CLOCK: variants seen among roughly 807,000 people sequenced by gnomAD.
CLOCK encodes circadian locomoter output cycles protein kaput.
Under a neutral mutation model 118.4 loss-of-function variants are expected in CLOCK, and 43 were observed. That is an observed-to-expected ratio of 0.36 (90% CI 0.28 to 0.47). The LOEUF (loss-of-function observed/expected upper bound fraction) is 0.47, where lower values mean the gene tolerates loss of function less well. Ranked by LOEUF, CLOCK falls within the 20% of genes least tolerant of loss-of-function variation. CLOCK has a pLI of 1.00. For synonymous variants in CLOCK, 326 were observed against 339.2 expected (o/e 0.96, Z 0.43); for missense variants, 846 against 999.9 (o/e 0.85, Z 2.08).
At chr4:55,536,727 C>T (rs1730929403) in intron 1 of CLOCK, among the ~76,000 whole-genome samples, 1 of 152,160 alleles carries the variant, frequency 6.6e-6, no homozygotes, top group African/African-American at 2.4e-5. Flanking sequence ...CAGACTAATA[C>T]AGCTCCCTAG....
rs1281457837 is a variant in CLOCK, at chr4:55,429,759, A to C, written c.*5656T>G. 1 of 152,234 alleles carries C rather than the reference A, an allele frequency of 6.6e-6. No individual in the cohort carries two copies. The highest frequency in any genetic ancestry group is 1.5e-5 in the Non-Finnish European group (1 of 68,044). The allele number at this position is 152,234 out of a possible 1,614,324, so 9.4% of individuals were successfully genotyped here. A position where few individuals can be genotyped will look rare whatever the true frequency, so the allele number is the denominator to read the frequency against. ...ACAAAAAGTGCCCATAAAACAAAGA[A>C]GGCAGCAAGTGAAACTAGAAAAAGG... is the stretch of plus-strand genomic sequence containing the variant. On this transcript the variant is annotated 3_prime_UTR_variant, in exon 23 of 23. Transcript: ENST00000513440.
intron 1 of CLOCK, among the ~76,000 whole-genome samples, chr4:55,531,173 G>A (rs911245720): frequency 2.0e-5 from 3 of 151,670 alleles, no homozygotes; most frequent in African/African-American, 4.8e-5. Flanking sequence ...AGTACAAGAA[G>A]AAATAAGTAA....
chr4:55,452,570 A>G (rs762128381), intron 15 of CLOCK: 9 of 157,022 alleles, frequency 5.7e-5, no homozygotes, highest in Non-Finnish European at 9.8e-5. Context: ...ATTTTGGAGT[A>G]AGTTGTTACA....
chr4:55,430,705 TC>T lies in CLOCK; in HGVS notation c.*4709del, dbSNP rs1339997461. The T allele has an allele frequency of 6.6e-6, 1 of 152,140 alleles. No homozygotes were observed. Among genetic ancestry groups the T allele is most frequent in the East Asian group, 1.9e-4 (1 of 5,198 alleles). The allele number at this position is 152,140 out of a possible 1,614,324, so 9.4% of individuals were successfully genotyped here. On this transcript the variant is annotated 3_prime_UTR_variant, in exon 23 of 23. Coordinates refer to ENST00000513440, the MANE Select transcript of CLOCK (RefSeq NM_004898.4). Reference sequence around the variant, plus strand: ...GCACATTTAAAACACTCAGAATAATTCTTGAAATTATTATATTCTAAAATGT... The same window carrying T: ...GCACATTTAAAACACTCAGAATAATTTTGAAATTATTATATTCTAAAATGT...
rs201598051 is a variant in CLOCK, at chr4:55,453,172, C to T, written c.1131-43G>A. The stretch of plus-strand genomic sequence containing the variant: ...AATCAAATTTTAGTGTCTGGTCATT[C>T]GTTTAAAATACTGCACAGCTGTAAC... On this transcript the variant is annotated intron_variant, in intron 14 of 22. Transcript: ENST00000513440. 14 of 1,461,518 alleles carry T rather than the reference C, an allele frequency of 9.6e-6. No homozygotes were observed. The African/African-American group carries it at 9.7e-5, about 10-fold the overall frequency. The allele number at this position is 1,461,518 out of a possible 1,614,324, so 90.5% of individuals were successfully genotyped here.
At position 55,449,384 on chromosome 4, in the gene CLOCK, TA is replaced by T. The variant is rs1435992349; in HGVS notation, c.1449+11del. 6.2e-7 allele frequency: 1 copy of T among 1,604,404 alleles called. No individual in the cohort carries two copies. ...AATCTTTATTCAGAAGAATATCCAC[TA>T]AAGAGCTTACCTGACTACTAAATGA... On this transcript the variant is annotated intron_variant, in intron 17 of 22. Coordinates refer to ENST00000513440, the MANE Select transcript of CLOCK (RefSeq NM_004898.4).
At chr4:55,498,448 T>C (rs1475786044) in intron 2 of CLOCK, among the ~76,000 whole-genome samples, 2 of 152,282 alleles carry the variant, frequency 1.3e-5, no homozygotes, top group Admixed American at 1.3e-4. Flanking sequence ...ACTAAAATAA[T>C]CATTATATCT....
At chr4:55,519,468 T>C (rs1461397543) in intron 1 of CLOCK, among the ~76,000 whole-genome samples, 1 of 152,032 alleles carries the variant, frequency 6.6e-6, no homozygotes, top group African/African-American at 2.4e-5. Context: ...GGATAATGAG[T>C]CATAGTAGAG....
intron 1 of CLOCK, chr4:55,540,379 A>AGGAGGGGAGAGGAGG (rs1731182525): frequency 1.2e-5 from 1 of 84,684 alleles, no homozygotes; most frequent in Non-Finnish European, 2.2e-5. Context: ...GGGGCAAGAG[A>AGGAGGGGAGAGGAGG]GGAGGGGAGA....
intron 1 of CLOCK, among the ~76,000 whole-genome samples, chr4:55,525,377 A>T (rs999071281): frequency 6.6e-6 from 1 of 152,206 alleles, no homozygotes; most frequent in Admixed American, 6.5e-5. Flanking sequence ...CAGAAGTCTG[A>T]GGCAAGAAGA....
chr4:55,448,599 CGCGTGTGT>C (rs1423636307), intron 18 of CLOCK, among the ~76,000 whole-genome samples, 172 bp downstream of exon 18: 7,578 of 105,546 alleles, frequency 0.072, 250 homozygotes, highest in Admixed American at 0.12. Context: ...CGCGCACGCG[CGCGTGTGT>C]GTGTGTGTGT....
At chr4:55,466,149 G>A (rs1725724958) in intron 8 of CLOCK, among the ~76,000 whole-genome samples, 1 of 152,184 alleles carries the variant, frequency 6.6e-6, no homozygotes, top group Non-Finnish European at 1.5e-5. Flanking sequence ...TGAGTGGGAG[G>A]TGATTGAATC....
intron 2 of CLOCK, among the ~76,000 whole-genome samples, chr4:55,505,846 T>C (rs895670421): frequency 7.6e-5 from 10 of 131,460 alleles, no homozygotes; most frequent in African/African-American, 2.1e-4. Context: ...AACAATCCTG[T>C]TGACCAACTG....
At chr4:55,467,719 T>A (rs1417531532) in intron 8 of CLOCK, among the ~76,000 whole-genome samples, 1 of 152,220 alleles carries the variant, frequency 6.6e-6, no homozygotes, top group Non-Finnish European at 1.5e-5. Flanking sequence ...CAAATTTTTT[T>A]AAGTTGTCCA....
chr4:55,532,654 G>A (rs1258876059), intron 1 of CLOCK, among the ~76,000 whole-genome samples: 1 of 152,082 alleles, frequency 6.6e-6, no homozygotes, highest in African/African-American at 2.4e-5. Flanking sequence ...ACTGCTTGAA[G>A]CCAGGAATTT....
At chr4:55,464,197 A>T (rs996285150) in intron 8 of CLOCK, among the ~76,000 whole-genome samples, 3 of 152,216 alleles carry the variant, frequency 2.0e-5, no homozygotes, top group Admixed American at 6.5e-5. Flanking sequence ...CTAAATAAAG[A>T]GGAGATTTTG....
chr4:55,454,730 T>C (rs1724787563), intron 13 of CLOCK, among the ~76,000 whole-genome samples: 1 of 152,034 alleles, frequency 6.6e-6, no homozygotes, highest in Non-Finnish European at 1.5e-5. Context: ...CATGTGCAGA[T>C]TCTCTGAGGG....
At chr4:55,505,651 A>C (rs943583471) in intron 2 of CLOCK, among the ~76,000 whole-genome samples, 35 of 152,108 alleles carry the variant, frequency 2.3e-4, no homozygotes, top group African/African-American at 7.9e-4. Context: ...GTGACAGAAC[A>C]AGACCTTGTC....
intron 2 of CLOCK, among the ~76,000 whole-genome samples, chr4:55,494,857 C>A (rs1364230690): frequency 6.6e-6 from 1 of 152,166 alleles, no homozygotes; most frequent in Non-Finnish European, 1.5e-5. Flanking sequence ...GAGAGAAATG[C>A]AGCCCGCTGA....
Sources: gnomAD v4.1 joint callset for allele counts (sites outside exome capture counted in the v4.1 genomes callset) on GRCh38, gnomAD v4.1.1 for gene constraint, MANE v1.5 for transcripts, NCBI Gene and HGNC (gene_info 2026-07-23, HGNC 2026-07-21) for gene names.